The following ADAMTSL1 variants were observed in gnomAD, a reference collection of about 807,000 sequenced individuals.
The protein encoded by ADAMTSL1 is ADAMTS-like protein 1.
A neutral mutation model predicts 201.8 loss-of-function variants in ADAMTSL1; 126 were observed. The ratio of observed to expected loss-of-function variants is 0.62; its 90% CI spans 0.54 to 0.72. The LOEUF is 0.72. Among genes scored for constraint, ADAMTSL1 ranks in the 30% least tolerant of loss-of-function variants. ADAMTSL1 has a pLI of 0.00. For synonymous variants in ADAMTSL1, 1,121 were observed against 903.4 expected (o/e 1.24, Z -4.32); for missense variants, 2,679 against 2,277.8 (o/e 1.18, Z -3.59).
intron 2 of ADAMTSL1, among the ~76,000 whole-genome samples, chr9:18,222,559 C>G (rs557040915): frequency 6.6e-6 from 1 of 150,696 alleles, no homozygotes; most frequent in East Asian, 2.0e-4. Context: ...GATTTTAGTC[C>G]TACTTTGATT....
At chr9:18,153,655 G>A (rs1050478103) in intron 1 of ADAMTSL1, among the ~76,000 whole-genome samples, 11 of 152,004 alleles carry the variant, frequency 7.2e-5, no homozygotes, top group Admixed American at 5.3e-4. Context: ...TGTGTGAAAG[G>A]CAGTGACTTT....
rs186022444 is a variant in ADAMTSL1 at position 18,179,901 on chromosome 9, G to T, written c.207+15920G>T. Among the ~76,000 whole-genome samples the T allele has an allele frequency of 6.0e-3, 916 of 152,108 alleles. 14 individuals carry two copies. The highest frequency in any genetic ancestry group is 0.021 in the African/African-American group (876 of 41,500). On this transcript the variant is annotated intron_variant, in intron 2 of 29. Transcript: ENST00000680146. Reference sequence around the variant, plus strand: ...CGCTAAACATGGAAAGGAACAACAAGTACCAGCCACTGCAAAATCATGCCA... The same window carrying T: ...CGCTAAACATGGAAAGGAACAACAATTACCAGCCACTGCAAAATCATGCCA...
chr9:18,373,169 T>A (rs529140443), intron 2 of ADAMTSL1, among the ~76,000 whole-genome samples: 9 of 152,314 alleles, frequency 5.9e-5, no homozygotes, highest in Non-Finnish European at 1.2e-4. Flanking sequence ...ACCTTCTCAG[T>A]CCCCAGAAGT....
intron 3 of ADAMTSL1, among the ~76,000 whole-genome samples, chr9:18,569,860 A>G (rs2383079): frequency 0.3 from 45,735 of 151,934 alleles, 7,161 homozygotes; most frequent in Admixed American, 0.37. Flanking sequence ...TACCACTAGG[A>G]TATGATGAGA....
chr9:18,880,187 G>C (rs773857904), intron 23 of ADAMTSL1, among the ~76,000 whole-genome samples: 1 of 152,138 alleles, frequency 6.6e-6, no homozygotes, highest in Non-Finnish European at 1.5e-5. Flanking sequence ...AGTCATCCAT[G>C]AGGGCTAGAA....
rs193177323 is a variant in ADAMTSL1 at position 18,305,019 on chromosome 9, T to C, written c.207+141038T>C. ...CAGCTGAGGTACCAGGTGCATCTCATTGGGCCTGGTTAGACAGTGGGTGCA... is the reference window on the plus strand; with the variant it reads ...CAGCTGAGGTACCAGGTGCATCTCACTGGGCCTGGTTAGACAGTGGGTGCA... On this transcript the variant is annotated intron_variant, in intron 2 of 29. Transcript: ENST00000680146. 3.6e-4 allele frequency among the ~76,000 whole-genome samples: 55 copies of C among 152,218 alleles called. No individual in the cohort carries two copies. The East Asian group carries it at 7.2e-3, about 20-fold the overall frequency.
chr9:18,360,147 G>T (rs1349201512), intron 2 of ADAMTSL1, among the ~76,000 whole-genome samples: 1 of 152,068 alleles, frequency 6.6e-6, no homozygotes, highest in Non-Finnish European at 1.5e-5. Context: ...CCTGTGTCTG[G>T]TGTAGCTTTC....
At chr9:18,434,999 T>C (rs550001254) in intron 2 of ADAMTSL1, among the ~76,000 whole-genome samples, 145 of 152,302 alleles carry the variant, frequency 9.5e-4, no homozygotes, top group Middle Eastern at 6.8e-3. Flanking sequence ...TGGTGCAACA[T>C]CTGGGTCACA....
At chr9:17,929,856 G>C in intron 1 of ADAMTSL1, among the ~76,000 whole-genome samples, 1 of 151,950 alleles carries the variant, frequency 6.6e-6, no homozygotes, top group Admixed American at 6.6e-5. Flanking sequence ...ACACTTCTTT[G>C]CATTTTTGTT....
intron 14 of ADAMTSL1, chr9:18,717,922 T>C (rs1030376910): frequency 8.2e-7 from 1 of 1,216,156 alleles, no homozygotes; most frequent in Admixed American, 1.7e-5. Context: ...CACTATTGAA[T>C]TGGACAACAG....
chr9:18,693,401 A>T (rs948258513), intron 13 of ADAMTSL1, among the ~76,000 whole-genome samples: 1 of 152,254 alleles, frequency 6.6e-6, no homozygotes, highest in Non-Finnish European at 1.5e-5. Context: ...AGAAATATAA[A>T]TGAATAAGCC....
In ADAMTSL1 at chr9:18,776,771, C is replaced by A; in HGVS notation, c.2552-10C>A. ...CTTTCTCTGTCCCTTCGGGTTCGCT[C>A]TCCTTCCAGGGCCCGGGCGGCCATC... On this transcript the variant is annotated splice_polypyrimidine_tract_variant and intron_variant, in intron 18 of 28. Transcript: ENST00000380548. The A allele has an allele frequency of 1.3e-6, 2 of 1,538,700 alleles. No homozygotes were observed. Among genetic ancestry groups the A allele is most frequent in the Non-Finnish European group, 1.7e-6 (2 of 1,143,858 alleles).
chr9:18,261,202 G>C lies in ADAMTSL1; in HGVS notation c.207+97221G>C, dbSNP rs768114329. 2.0e-3 allele frequency among the ~76,000 whole-genome samples: 307 copies of C among 152,180 alleles called. 1 individual carries two copies. Among genetic ancestry groups the C allele is most frequent in the Non-Finnish European group, 2.8e-3 (191 of 67,998 alleles). On this transcript the variant is annotated intron_variant, in intron 2 of 29. Coordinates refer to the ADAMTSL1 transcript ENST00000680146. ...AGCCCATTTCTGTGGCCACAGGACA[G>C]ATATCATCCCTGATCTTGTATTTCT...
intron 20 of ADAMTSL1, among the ~76,000 whole-genome samples, chr9:18,813,681 T>C (rs1170232671): frequency 6.6e-6 from 1 of 152,242 alleles, no homozygotes; most frequent in African/African-American, 2.4e-5. Context: ...CCTGCAACTT[T>C]ACTGAATTTG....
chr9:18,267,820 C>T (rs1832192499), intron 2 of ADAMTSL1, among the ~76,000 whole-genome samples: 1 of 146,974 alleles, frequency 6.8e-6, no homozygotes, highest in African/African-American at 2.6e-5. Context: ...AGACACTGAG[C>T]CCAGAAACCA....
chr9:18,160,721 C>A lies in ADAMTSL1; in HGVS notation c.88-3141C>A, dbSNP rs144996270. On this transcript the variant is annotated intron_variant, in intron 1 of 29. Transcript: ENST00000680146. The stretch of plus-strand genomic sequence containing the variant: ...TTTGAGAAAGGTCTATTTCTGTTGC[C>A]CAGGCCAGAGTGTAGTGGCACAGTC... 2.7e-3 allele frequency among the ~76,000 whole-genome samples: 402 copies of A among 151,020 alleles called. 3 individuals are homozygous for A. Among genetic ancestry groups the A allele is most frequent in the African/African-American group, 9.3e-3 (381 of 41,100 alleles).
intron 4 of ADAMTSL1, among the ~76,000 whole-genome samples, chr9:18,603,341 A>G (rs184507989): frequency 2.5e-4 from 30 of 118,570 alleles, no homozygotes; most frequent in Admixed American, 4.3e-4. Flanking sequence ...CTCCAAAGCT[A>G]TATGCTATGC....
intron 2 of ADAMTSL1, among the ~76,000 whole-genome samples, chr9:18,179,394 G>A (rs1467500850): frequency 2.6e-5 from 4 of 152,190 alleles, no homozygotes; most frequent in African/African-American, 9.6e-5. Context: ...CCAAATCTAC[G>A]TCTGACTGGT....
chr9:18,612,237 A>C (rs1222879573), intron 4 of ADAMTSL1, among the ~76,000 whole-genome samples: 3 of 152,224 alleles, frequency 2.0e-5, no homozygotes, highest in Non-Finnish European at 4.4e-5. Context: ...TTAAACTCTC[A>C]GATTACAGTG....
Sources: gnomAD v4.1 joint callset for allele counts (sites outside exome capture counted in the v4.1 genomes callset) on GRCh38, gnomAD v4.1.1 for gene constraint, MANE v1.5 for transcripts, NCBI Gene and HGNC (gene_info 2026-07-23, HGNC 2026-07-21) for gene names.